DLGAP2: variants seen among roughly 807,000 people sequenced by gnomAD.
DLGAP2 encodes DLG associated protein 2.
In DLGAP2, 26 loss-of-function variants were observed where a neutral mutation model predicts 100.3. The ratio of observed to expected loss-of-function variants is 0.26; its 90% CI spans 0.19 to 0.36. The LOEUF (loss-of-function observed/expected upper bound fraction) is 0.36. Among genes scored for constraint, DLGAP2 ranks in the 10% least tolerant of loss-of-function variants. The pLI is 1.00. For missense variants in DLGAP2, 1,858 were observed against 1,453.2 expected (o/e 1.28, Z -4.53); for synonymous variants, 886 against 630.1 (o/e 1.41, Z -6.08).
intron 4 of DLGAP2, among the ~76,000 whole-genome samples, chr8:1,539,027 A>G (rs1298020735): frequency 6.6e-6 from 1 of 151,828 alleles, no homozygotes; most frequent in East Asian, 1.9e-4. Context: ...CTGGGATTAC[A>G]GGTGCACACC....
intron 3 of DLGAP2, among the ~76,000 whole-genome samples, chr8:1,366,141 G>C (rs1380419618): frequency 1.3e-5 from 2 of 152,244 alleles, no homozygotes; most frequent in Non-Finnish European, 2.9e-5. Context: ...AAGTTGAAAA[G>C]TTTCCTATTT....
At chr8:1,483,543 G>A (rs1799159050) in intron 3 of DLGAP2, among the ~76,000 whole-genome samples, 2 of 146,216 alleles carry the variant, frequency 1.4e-5, no homozygotes. Context: ...AGAGGCTCAG[G>A]AAGCAGGACC....
intron 6 of DLGAP2, among the ~76,000 whole-genome samples, chr8:1,582,607 C>G (rs911269155): frequency 4.8e-5 from 7 of 145,728 alleles, no homozygotes; most frequent in African/African-American, 1.7e-4. Flanking sequence ...TTTCCCCCGC[C>G]AAGATGGAGT....
intron 3 of DLGAP2, among the ~76,000 whole-genome samples, chr8:1,307,816 G>A (rs1044938914): frequency 3.3e-5 from 5 of 152,192 alleles, no homozygotes; most frequent in African/African-American, 7.2e-5. Flanking sequence ...GAAAGCAGTC[G>A]AATTCATAAA....
intron 3 of DLGAP2, among the ~76,000 whole-genome samples, chr8:1,290,148 G>C (rs763063466): frequency 6.6e-6 from 1 of 152,168 alleles, no homozygotes; most frequent in Non-Finnish European, 1.5e-5. Flanking sequence ...ATTACATAAC[G>C]TGTGACATGA....
chr8:1,267,586 A>AATAAAATAAGATAAG (rs1314559316), intron 3 of DLGAP2, among the ~76,000 whole-genome samples: 3 of 48,426 alleles, frequency 6.2e-5, no homozygotes, highest in Non-Finnish European at 1.4e-4. Context: ...AATAAAATAA[A>AATAAAATAAGATAAG]ATAAGATAAG....
chr8:780,155 C>T (rs190903395), intron 1 of DLGAP2, among the ~76,000 whole-genome samples: 1 of 152,294 alleles, frequency 6.6e-6, no homozygotes, highest in African/African-American at 2.4e-5. Flanking sequence ...CCCCGCCAAC[C>T]CCACCTACCA....
chr8:1,661,270 G>A (rs2130825281), intron 8 of DLGAP2, among the ~76,000 whole-genome samples: 1 of 152,250 alleles, frequency 6.6e-6, no homozygotes, highest in South Asian at 2.1e-4. Context: ...TGGTGGTGGG[G>A]GCTGCAGACC....
At chr8:814,987 A>C (rs1255386697) in intron 1 of DLGAP2, among the ~76,000 whole-genome samples, 2 of 152,132 alleles carry the variant, frequency 1.3e-5, no homozygotes, top group Non-Finnish European at 2.9e-5. Flanking sequence ...GAAATTTCCT[A>C]GTGTTAAGCA....
chr8:1,620,254 T>C (rs1797288027), intron 6 of DLGAP2: 1 of 152,276 alleles, frequency 6.6e-6, no homozygotes. Context: ...CTCATTCCAC[T>C]TGATTTCTCA....
At chr8:796,376 C>T (rs993436713) in intron 1 of DLGAP2, among the ~76,000 whole-genome samples, 2 of 152,160 alleles carry the variant, frequency 1.3e-5, no homozygotes, top group Non-Finnish European at 1.5e-5. Context: ...TCCGAACTGA[C>T]TTCTGCCTTT....
chr8:1,537,393 TAAAA>T (rs1317768542), intron 4 of DLGAP2, among the ~76,000 whole-genome samples: 94 of 152,174 alleles, frequency 6.2e-4, no homozygotes, highest in African/African-American at 1.8e-3. Flanking sequence ...TTTATGTCAT[TAAAA>T]TGATTACCTA....
At chr8:963,879 C>G (rs1799785105) in intron 2 of DLGAP2, among the ~76,000 whole-genome samples, 1 of 152,166 alleles carries the variant, frequency 6.6e-6, no homozygotes, top group Non-Finnish European at 1.5e-5. Flanking sequence ...GCAATTAATA[C>G]AAGTGTAAAG....
chr8:910,476 G>C (rs1798463060), intron 2 of DLGAP2: 1 of 152,206 alleles, frequency 6.6e-6, no homozygotes, highest in Non-Finnish European at 1.5e-5. Context: ...TGTGTTTGTT[G>C]GTGGAGGAGA....
At chr8:1,588,631 G>A (rs1217776543) in intron 6 of DLGAP2, among the ~76,000 whole-genome samples, 1 of 151,364 alleles carries the variant, frequency 6.6e-6, no homozygotes, top group Non-Finnish European at 1.5e-5. Flanking sequence ...ACAGGGTGCT[G>A]TGGCTCAGGC....
At chr8:988,533 C>T (rs373810814) in intron 2 of DLGAP2, among the ~76,000 whole-genome samples, 1 of 152,310 alleles carries the variant, frequency 6.6e-6, no homozygotes, top group African/African-American at 2.4e-5. Context: ...AAAACCCTCC[C>T]GGCTCGGCCT....
chr8:1,319,124 A>T (rs1800836972), intron 3 of DLGAP2, among the ~76,000 whole-genome samples: 1 of 152,076 alleles, frequency 6.6e-6, no homozygotes, highest in Non-Finnish European at 1.5e-5. Flanking sequence ...TGGAGGGCCA[A>T]GCTCAGCTGG....
intron 2 of DLGAP2, among the ~76,000 whole-genome samples, chr8:1,253,297 TCCAGGAGAGCTG>T (rs1484031720): frequency 2.6e-5 from 4 of 152,130 alleles, no homozygotes; most frequent in Non-Finnish European, 5.9e-5. Flanking sequence ...TTCCCGGGGC[TCCAGGAGAGCTG>T]CCAGGGCCCC....
chr8:1,666,234 A>T (rs984941762), intron 8 of DLGAP2, among the ~76,000 whole-genome samples: 5 of 152,222 alleles, frequency 3.3e-5, no homozygotes, highest in African/African-American at 9.7e-5. Flanking sequence ...GGGAAAAGTC[A>T]GGAACAAAAG....
Sources: gnomAD v4.1 joint callset for allele counts (sites outside exome capture counted in the v4.1 genomes callset) on GRCh38, gnomAD v4.1.1 for gene constraint, MANE v1.5 for transcripts, NCBI Gene and HGNC (gene_info 2026-07-23, HGNC 2026-07-21) for gene names.